The following BDP1 variants were observed in gnomAD, a reference collection of about 807,000 sequenced individuals.
The protein encoded by BDP1 is BDP1 general transcription factor IIIB subunit, also known as transcription factor TFIIIB component B'' homolog.
Under a neutral mutation model 266.6 loss-of-function variants are expected in BDP1, and 169 were observed. The observed-to-expected ratio is 0.63, with a 90% CI of 0.56 to 0.72. BDP1 has a LOEUF of 0.72. Among genes scored for constraint, BDP1 ranks in the 30% least tolerant of loss-of-function variants. The probability of loss-of-function intolerance (pLI) is 0.00; values close to 1 mark genes in which losing one functional copy is unlikely to be tolerated. For missense variants in BDP1, 3,015 were observed against 3,053.8 expected, an observed-to-expected ratio of 0.99 and a Z score of 0.30; for synonymous variants, 1,090 against 1,022.4, an observed-to-expected ratio of 1.07 and a Z score of -1.26.
At position 71,501,781 on chromosome 5, in the gene BDP1, T is replaced by C; in HGVS notation, c.2048+128T>C. 4.7e-6 allele frequency: 3 copies of C among 635,274 alleles called. No individual in the cohort carries two copies. In the East Asian group the frequency reaches 8.2e-5, roughly 17 times the overall value. 39.4% of individuals were successfully genotyped at this position (635,274 alleles called of 1,614,324 possible). The stretch of plus-strand genomic sequence containing the variant: ...CAAGCAGCATACTTTAAGTTCGTTT[T>C]CAACCATAGGTGGTTTTGAAACATT... On this transcript the variant is annotated intron_variant, in intron 14 of 38. Coordinates refer to ENST00000358731, the MANE Select transcript of BDP1 (RefSeq NM_018429.3).
Position 71,565,099 on chromosome 5 carries a change from C to T in BDP1, c.*214C>T. 1 of 497,902 alleles carries T rather than the reference C, an allele frequency of 2.0e-6. No homozygotes were observed. Among genetic ancestry groups the T allele is most frequent in the Non-Finnish European group, 3.5e-6 (1 of 284,204 alleles). The allele number at this position is 497,902 out of a possible 1,614,324, so 30.8% of individuals were successfully genotyped here. ...GACTGATTCAGCATTTTGCAAATAG[C>T]AAGCAATTAAGACTGCTTTCTCAGA... On this transcript the variant is annotated 3_prime_UTR_variant, in exon 39 of 39. Coordinates refer to ENST00000358731, the MANE Select transcript of BDP1 (RefSeq NM_018429.3).
At chr5:71,511,245 A>G in intron 17 of BDP1, 94 bp downstream of exon 17, 1 of 1,273,750 alleles carries the variant, frequency 7.9e-7, no homozygotes, top group East Asian at 2.3e-5. Context: ...GTCCAACAAC[A>G]CTTAAAAATC....
intron 36 of BDP1, among the ~76,000 whole-genome samples, chr5:71,559,765 T>C (rs1181586799): frequency 6.6e-6 from 1 of 152,190 alleles, no homozygotes; most frequent in African/African-American, 2.4e-5. Context: ...TATATTGATA[T>C]AACTATTTTG....
chr5:71,464,183 T>C (rs1761753451), intron 4 of BDP1, 66 bp downstream of exon 4: 2 of 986,968 alleles, frequency 2.0e-6, no homozygotes, highest in South Asian at 1.6e-5. Context: ...CAAATGGTGC[T>C]TCCTGTTATA....
rs573630632 is a variant in BDP1, at chr5:71,530,083, A to G, written c.5773-2225A>G. On this transcript the variant is annotated intron_variant, in intron 25 of 38. Coordinates refer to ENST00000358731, the MANE Select transcript of BDP1 (RefSeq NM_018429.3). ...GTTATGTGAATTGCAAGTCTTTTTT[A>G]AAATAAACTGTATGATGCTTAAAAA... 5.3e-5 allele frequency among the ~76,000 whole-genome samples: 8 copies of G among 152,350 alleles called. No homozygotes were observed. The East Asian group carries it at 1.5e-3, about 29-fold the overall frequency.
At chr5:71,568,163 T>C (rs965943494), downstream of BDP1, among the ~76,000 whole-genome samples, 1 of 151,992 alleles carries the variant, frequency 6.6e-6, no homozygotes, top group African/African-American at 2.4e-5. Context: ...GGAGACAAAT[T>C]TTTGACAGGT....
In BDP1 at chr5:71,455,762, C is replaced by T; in HGVS notation, c.-116C>T. On this transcript the variant is annotated 5_prime_UTR_variant, in exon 1 of 39. Transcript: ENST00000358731. The stretch of plus-strand genomic sequence containing the variant: ...GAAACTACGGTAGCTGCCCCCTGAG[C>T]TGGTGGTGTGGCTTTGTGGGGAGGG... 1 of 851,394 alleles carries T rather than the reference C, an allele frequency of 1.2e-6. No homozygotes were observed. Among genetic ancestry groups the T allele is most frequent in the Non-Finnish European group, 1.8e-6 (1 of 553,282 alleles). 52.7% of individuals were successfully genotyped at this position (851,394 alleles called of 1,614,324 possible). A position where few individuals can be genotyped will look rare whatever the true frequency, so the allele number is the denominator to read the frequency against.
At chr5:71,553,011 C>T (rs1742961413) in intron 34 of BDP1, 105 bp from the exon 35 acceptor site, 2 of 953,924 alleles carry the variant, frequency 2.1e-6, no homozygotes, top group Non-Finnish European at 3.1e-6. Flanking sequence ...TGGAATACCT[C>T]AGCCTTTAAC....
At chr5:71,503,468 T>TA (rs1258865508) in intron 15 of BDP1, among the ~76,000 whole-genome samples, 1 of 152,220 alleles carries the variant, frequency 6.6e-6, no homozygotes, top group Non-Finnish European at 1.5e-5. Flanking sequence ...CCGTATCACT[T>TA]AGTGGATGTT....
chr5:71,534,981 C>T (rs1284743835), intron 26 of BDP1, among the ~76,000 whole-genome samples: 1 of 151,944 alleles, frequency 6.6e-6, no homozygotes, highest in Non-Finnish European at 1.5e-5. Flanking sequence ...TTGTTCGTTG[C>T]AAGTGTGTAG....
chr5:71,534,306 T>G (rs1766448314), intron 26 of BDP1, among the ~76,000 whole-genome samples: 1 of 152,346 alleles, frequency 6.6e-6, no homozygotes, highest in South Asian at 2.1e-4. Flanking sequence ...CATGTTGCTA[T>G]CCATTTGTCC....
intron 25 of BDP1, among the ~76,000 whole-genome samples, chr5:71,528,847 G>C (rs558656338): frequency 2.0e-5 from 3 of 152,266 alleles, no homozygotes; most frequent in Admixed American, 6.5e-5. Flanking sequence ...AAGATATCTG[G>C]TTAATGCTGC....
intron 1 of BDP1, among the ~76,000 whole-genome samples, chr5:71,458,219 T>C (rs980789640): frequency 3.9e-5 from 6 of 152,082 alleles, no homozygotes; most frequent in African/African-American, 1.4e-4. Context: ...AAATTTTATA[T>C]AGAAATTAAT....
chr5:71,576,688 G>A, the BDP1 span, among the ~76,000 whole-genome samples: 1 of 152,172 alleles, frequency 6.6e-6, no homozygotes, highest in Admixed American at 6.5e-5. Context: ...AAGAAAATCA[G>A]AAATCGTGGC....
chr5:71,554,160 A>G (rs1296897228), intron 35 of BDP1, among the ~76,000 whole-genome samples: 1 of 152,184 alleles, frequency 6.6e-6, no homozygotes, highest in Admixed American at 6.5e-5. Context: ...GTGCTTTTAT[A>G]TATTTGGTGA....
chr5:71,481,624 C>A (rs1305032416), intron 7 of BDP1, among the ~76,000 whole-genome samples: 1 of 152,138 alleles, frequency 6.6e-6, no homozygotes, highest in East Asian at 1.9e-4. Flanking sequence ...CTGCCAACTT[C>A]TTTGTTCCTG....
chr5:71,521,291 G>GTTT (rs1206948176), intron 22 of BDP1, among the ~76,000 whole-genome samples: 4 of 133,538 alleles, frequency 3.0e-5, no homozygotes, highest in Non-Finnish European at 4.9e-5. Flanking sequence ...GTTTATATTA[G>GTTT]TTTTTTTTTT....
rs905893924 is a variant in BDP1, at chr5:71,517,343, G to T, written c.4882G>T (p.Glu1628Ter). Reference protein sequence around the residue: ...LTVSNSQIETEIEVPSSAVPE... With the variant: ...LTVSNSQIET ...TCAGTCAAATTCTCAAATTGAAACTGAAATTGAAGTTCCATCGTCCGCAGT... is the reference window on the plus strand; with the variant it reads ...TCAGTCAAATTCTCAAATTGAAACTTAAATTGAAGTTCCATCGTCCGCAGT... Residue 1628 changes from glutamate to a stop codon, truncating the protein, a stop_gained, in exon 22 of 39, where the codon GAA becomes TAA. Transcript: ENST00000358731. LOFTEE classifies it high-confidence loss of function. The T allele has an allele frequency of 3.1e-6, 5 of 1,597,004 alleles. No homozygotes were observed. The highest frequency in any genetic ancestry group is 4.3e-6 in the Non-Finnish European group (5 of 1,175,328).
downstream of BDP1, among the ~76,000 whole-genome samples, chr5:71,572,292 G>A (rs906267474): frequency 6.6e-6 from 1 of 151,522 alleles, no homozygotes; most frequent in South Asian, 2.1e-4. Context: ...CTTTATTCCC[G>A]CATTCATCCC....
Sources: gnomAD v4.1 joint callset for allele counts (sites outside exome capture counted in the v4.1 genomes callset) on GRCh38, gnomAD v4.1.1 for gene constraint, MANE v1.5 for transcripts, NCBI Gene and HGNC (gene_info 2026-07-23, HGNC 2026-07-21) for gene names.